GABRG3: variants seen among roughly 807,000 people sequenced by gnomAD.
GABRG3 encodes the protein gamma-aminobutyric acid type A receptor subunit gamma3, also known as gamma-aminobutyric acid receptor subunit gamma-3.
Under a neutral mutation model 48.8 loss-of-function variants are expected in GABRG3, and 25 were observed. The observed-to-expected ratio is 0.51, with a 90% CI of 0.37 to 0.72. The LOEUF is 0.72. Ranked by LOEUF, GABRG3 falls within the 30% of genes least tolerant of loss-of-function variation. The pLI is 0.00. For synonymous variants in GABRG3, 227 were observed against 217.6 expected, an observed-to-expected ratio of 1.04 and a Z score of -0.38; for missense variants, 394 against 577.9, an observed-to-expected ratio of 0.68 and a Z score of 3.26.
At chr15:27,465,635 T>A (rs1207934064) in intron 5 of GABRG3, among the ~76,000 whole-genome samples, 2 of 152,232 alleles carry the variant, frequency 1.3e-5, no homozygotes, top group Non-Finnish European at 2.9e-5. Flanking sequence ...CCTAGGGCAG[T>A]GGCTCCAGGT....
chr15:27,432,285 A>G (rs977571971), intron 5 of GABRG3, among the ~76,000 whole-genome samples: 4 of 152,232 alleles, frequency 2.6e-5, no homozygotes, highest in African/African-American at 9.6e-5. Flanking sequence ...TATTAATTAT[A>G]TAGAAATCAC....
At chr15:27,411,846 C>A (rs533735382) in intron 5 of GABRG3, among the ~76,000 whole-genome samples, 1 of 152,084 alleles carries the variant, frequency 6.6e-6, no homozygotes, top group Non-Finnish European at 1.5e-5. Context: ...TGGCTACACC[C>A]AGTGCATTAT....
At chr15:27,230,146 A>AGT (rs1350850149) in intron 3 of GABRG3, among the ~76,000 whole-genome samples, 2 of 151,866 alleles carry the variant, frequency 1.3e-5, no homozygotes, top group East Asian at 1.9e-4. Context: ...TATTTTATTT[A>AGT]GTGTGTGTGT....
intron 3 of GABRG3, among the ~76,000 whole-genome samples, chr15:27,085,767 C>T (rs917649572): frequency 6.6e-6 from 1 of 152,146 alleles, no homozygotes; most frequent in Non-Finnish European, 1.5e-5. Flanking sequence ...TTGAAAATAT[C>T]AAAATGCTAA....
chr15:27,193,565 C>G (rs1320463899), intron 3 of GABRG3, among the ~76,000 whole-genome samples: 1 of 152,116 alleles, frequency 6.6e-6, no homozygotes, highest in Non-Finnish European at 1.5e-5. Flanking sequence ...TTTTTAAGCC[C>G]TTGGGAAAAG....
chr15:27,394,161 G>C (rs1249135079), intron 5 of GABRG3, among the ~76,000 whole-genome samples: 1 of 152,048 alleles, frequency 6.6e-6, no homozygotes, highest in Admixed American at 6.6e-5. Context: ...GGTCATTTTT[G>C]TTCCTCTCAC....
intron 3 of GABRG3, among the ~76,000 whole-genome samples, chr15:27,087,744 GGTGTGCTGTAGT>G (rs1241310719): frequency 6.6e-6 from 1 of 151,960 alleles, no homozygotes; most frequent in Non-Finnish European, 1.5e-5. Flanking sequence ...TTGTGTGTCT[GGTGTGCTGTAGT>G]GTGTGGTGTG....
At chr15:27,266,486 T>A (rs1456361230) in intron 3 of GABRG3, among the ~76,000 whole-genome samples, 1 of 152,234 alleles carries the variant, frequency 6.6e-6, no homozygotes, top group Non-Finnish European at 1.5e-5. Context: ...CCTGCACATT[T>A]GTTCTTCTCT....
At chr15:27,269,279 T>C (rs1891010399) in intron 3 of GABRG3, among the ~76,000 whole-genome samples, 1 of 152,190 alleles carries the variant, frequency 6.6e-6, no homozygotes. Flanking sequence ...CCAATACTTT[T>C]TTAAAAGTTT....
intron 5 of GABRG3, among the ~76,000 whole-genome samples, chr15:27,436,995 T>TAGAG (rs10549691): frequency 0.06 from 7,785 of 130,402 alleles, 295 homozygotes; most frequent in East Asian, 0.18. Flanking sequence ...CTCCGAAAAA[T>TAGAG]AGAGAGAGAG....
At chr15:27,330,233 C>G (rs1055235689) in intron 5 of GABRG3, among the ~76,000 whole-genome samples, 32 of 152,016 alleles carry the variant, frequency 2.1e-4, no homozygotes, top group South Asian at 4.1e-4. Flanking sequence ...GAGGGAGACT[C>G]TGTCTCAAAA....
In GABRG3 at chr15:27,520,104, C is replaced by T. The variant is rs1891123216; in HGVS notation, c.845C>T (p.Thr282Met). 1.2e-6 allele frequency: 2 copies of T among 1,604,920 alleles called. No homozygotes were observed. The highest frequency in any genetic ancestry group is 8.5e-7 in the Non-Finnish European group (1 of 1,175,334). Reference sequence around the variant, plus strand: ...TCATTTTGGATCAAAAAAGATGCTACGCCAGCAAGAACAGCATTAGGTGAG... The same window carrying T: ...TCATTTTGGATCAAAAAAGATGCTATGCCAGCAAGAACAGCATTAGGTGAG... ...WVSFWIKKDA[T>M]PARTALGITT... The change falls in exon 7 of 10, where the codon ACG (threonine) becomes ATG (methionine). Residue 282 changes from threonine to methionine, a missense_variant. By Grantham distance (81) the Thr-to-Met change is moderately conservative. Coordinates refer to ENST00000615808, the MANE Select transcript of GABRG3 (RefSeq NM_033223.5).
At chr15:27,192,950 T>A (rs1888370786) in intron 3 of GABRG3, among the ~76,000 whole-genome samples, 1 of 152,244 alleles carries the variant, frequency 6.6e-6, no homozygotes, top group South Asian at 2.1e-4. Context: ...GACCCTCAGC[T>A]GCAGGTCTGT....
At chr15:27,484,560 G>A (rs752121459) in intron 6 of GABRG3, among the ~76,000 whole-genome samples, 7 of 152,118 alleles carry the variant, frequency 4.6e-5, no homozygotes, top group Non-Finnish European at 1.0e-4. Context: ...CAACAACACT[G>A]CAGGAGCAAT....
intron 3 of GABRG3, among the ~76,000 whole-genome samples, chr15:27,032,820 G>T (rs1247413761): frequency 6.8e-6 from 1 of 146,442 alleles, no homozygotes; most frequent in East Asian, 1.9e-4. Flanking sequence ...GATTTGTAGA[G>T]GCATTGAGTG....
chr15:27,532,717 T>C lies in GABRG3; in HGVS notation c.1240T>C (p.Cys414Arg). The change falls in exon 10 of 10, where the codon TGT becomes CGT. Residue 414 changes from cysteine to arginine, a missense_variant. This residue lies in a region of GABRG3 where 126 missense variants were observed against 155.5 expected (regional missense o/e 0.81). Coordinates refer to ENST00000615808, the MANE Select transcript of GABRG3 (RefSeq NM_033223.5). ...CTATGAGTGTCTGGATGGCAAAGAC[T>C]GTCAGAGCTTCTTCTGCTGCTATGA... ...CVYECLDGKDCQSFFCCYEEC... is the reference protein window; with the variant it reads ...CVYECLDGKDRQSFFCCYEEC... 1 of 1,614,036 alleles carries C rather than the reference T, an allele frequency of 6.2e-7. No individual in the cohort carries two copies. Among genetic ancestry groups the C allele is most frequent in the Non-Finnish European group, 8.5e-7 (1 of 1,179,892 alleles).
chr15:27,312,170 A>G (rs929514573), intron 3 of GABRG3, among the ~76,000 whole-genome samples: 2 of 152,162 alleles, frequency 1.3e-5, no homozygotes, highest in Non-Finnish European at 2.9e-5. Context: ...CGAAAAATTC[A>G]CTTGAGGGGT....
At chr15:27,020,576 TA>T (rs1307577918) in intron 2 of GABRG3, among the ~76,000 whole-genome samples, 1 of 103,004 alleles carries the variant, frequency 9.7e-6, no homozygotes, top group Non-Finnish European at 2.1e-5. Flanking sequence ...CACGCCCGGC[TA>T]ATTTTTTTTT....
At chr15:26,985,917 T>A (rs1158771823) in intron 2 of GABRG3, among the ~76,000 whole-genome samples, 1 of 152,170 alleles carries the variant, frequency 6.6e-6, no homozygotes, top group Admixed American at 6.5e-5. Context: ...AATGCCACAG[T>A]GTAGGTGAAG....
Sources: allele counts gnomAD v4.1 joint callset (sites outside exome capture counted in the v4.1 genomes callset), GRCh38; gene constraint gnomAD v4.1.1; regional missense constraint gnomAD v4.1.1; transcripts MANE v1.5; gene names NCBI Gene and HGNC (gene_info 2026-07-23, HGNC 2026-07-21).